ACADM: variants seen among roughly 807,000 people sequenced by gnomAD.
ACADM encodes acyl-CoA dehydrogenase medium chain.
ACADM carries 49 observed loss-of-function variants against 58.9 expected under a neutral mutation model. That is an observed-to-expected ratio of 0.83 (90% CI 0.66 to 1.06). The LOEUF is 1.06. Ranked by LOEUF, ACADM falls within the 50% of genes least tolerant of loss-of-function variation. ACADM has a pLI of 0.00. For missense variants in ACADM, 496 were observed against 507.0 expected (o/e 0.98, Z 0.21); for synonymous variants, 160 against 157.7 (o/e 1.01, Z -0.11).
chr1:75,757,963 C>T (rs962392718), intron 10 of ACADM, among the ~76,000 whole-genome samples: 4 of 140,692 alleles, frequency 2.8e-5, no homozygotes, highest in African/African-American at 1.0e-4. Flanking sequence ...CCCATGACCT[C>T]ATCTGTGAAT....
At chr1:75,756,016 A>G (rs918810389) in intron 10 of ACADM, among the ~76,000 whole-genome samples, 1 of 152,216 alleles carries the variant, frequency 6.6e-6, no homozygotes, top group African/African-American at 2.4e-5. Context: ...GCAAAATTCA[A>G]CAGTTCTTCA....
chr1:75,762,895 A>G lies in ACADM; in HGVS notation c.*132A>G. ...TATTAAATCTAAGCAACTGCTTATT[A>G]TAGTAGTTTATACTTTTGCTTAACT... On this transcript the variant is annotated 3_prime_UTR_variant, in exon 12 of 12. Transcript: ENST00000370841. The G allele has an allele frequency of 1.6e-6, 1 of 621,808 alleles. No homozygotes were observed. The allele number at this position is 621,808 out of a possible 1,614,324, so 38.5% of individuals were successfully genotyped here.
intron 6 of ACADM, among the ~76,000 whole-genome samples, chr1:75,739,336 T>C (rs1223564732): frequency 6.6e-6 from 1 of 152,224 alleles, no homozygotes; most frequent in Admixed American, 6.5e-5. Context: ...TTACCTCTGG[T>C]TTCCCCATAT....
intron 1 of ACADM, among the ~76,000 whole-genome samples, chr1:75,728,148 C>T: frequency 6.6e-6 from 1 of 152,098 alleles, no homozygotes; most frequent in East Asian, 1.9e-4. Flanking sequence ...GTCCTAAACC[C>T]TCCACTTCAG....
chr1:75,751,861 C>T (rs80343164), intron 10 of ACADM, among the ~76,000 whole-genome samples: 5,924 of 152,084 alleles, frequency 0.039, 149 homozygotes, highest in Non-Finnish European at 0.061. Flanking sequence ...AATTTTAGTA[C>T]TATAAAGAGT....
At chr1:75,741,224 C>T (rs1200617215) in intron 7 of ACADM, among the ~76,000 whole-genome samples, 1 of 152,140 alleles carries the variant, frequency 6.6e-6, no homozygotes, top group Non-Finnish European at 1.5e-5. Context: ...GTGCCATATA[C>T]TACAGTTTTC....
chr1:75,757,322 T>A (rs996779572), intron 10 of ACADM, among the ~76,000 whole-genome samples: 1 of 152,174 alleles, frequency 6.6e-6, no homozygotes, highest in African/African-American at 2.4e-5. Context: ...GACAAAGGGC[T>A]AATATCCAGA....
intron 5 of ACADM, among the ~76,000 whole-genome samples, chr1:75,734,250 G>C (rs1185369239): frequency 7.0e-6 from 1 of 142,112 alleles, no homozygotes; most frequent in African/African-American, 2.6e-5. Flanking sequence ...TGCAAGCTCC[G>C]CCTCCCAGGT....
At chr1:75,744,749 G>A (rs1043734030) in intron 7 of ACADM, 11 of 715,304 alleles carry the variant, frequency 1.5e-5, no homozygotes, top group Admixed American at 1.1e-4. Context: ...CTGAACGCCC[G>A]GGACACAGTG....
intron 6 of ACADM, among the ~76,000 whole-genome samples, chr1:75,735,390 G>A (rs1485937462): frequency 6.6e-6 from 1 of 150,812 alleles, no homozygotes; most frequent in Non-Finnish European, 1.5e-5. Context: ...AGATCTACTT[G>A]TGATGTTTTT....
At chr1:75,730,243 G>C (rs1647127187) in intron 2 of ACADM, among the ~76,000 whole-genome samples, 1 of 152,112 alleles carries the variant, frequency 6.6e-6, no homozygotes, top group Non-Finnish European at 1.5e-5. Flanking sequence ...ATGATTGCTT[G>C]TCACTTTAAA....
intron 10 of ACADM, among the ~76,000 whole-genome samples, chr1:75,752,619 C>T (rs569904736): frequency 2.3e-4 from 35 of 152,174 alleles, no homozygotes; most frequent in Non-Finnish European, 4.3e-4. Context: ...TTTTCATTTC[C>T]AGAAGTTATA....
At chr1:75,744,009 C>T (rs1647738289) in intron 7 of ACADM, 4 of 1,572,138 alleles carry the variant, frequency 2.5e-6, no homozygotes, top group Non-Finnish European at 3.5e-6. Flanking sequence ...GGATGTTACT[C>T]ACATCAATCT....
intron 10 of ACADM, among the ~76,000 whole-genome samples, chr1:75,760,413 CTT>C (rs764165105): frequency 7.5e-5 from 11 of 146,566 alleles, no homozygotes; most frequent in Non-Finnish European, 1.3e-4. Flanking sequence ...AAGAGTGAAA[CTT>C]TGTCTCAGAA....
At chr1:75,749,712 C>CTTT (rs35897798) in intron 9 of ACADM, among the ~76,000 whole-genome samples, 153 bp downstream of exon 9, 10 of 118,156 alleles carry the variant, frequency 8.5e-5, no homozygotes, top group Non-Finnish European at 1.4e-4. Flanking sequence ...ACTTTTCTTT[C>CTTT]TTTTTTTTTT....
intron 1 of ACADM, 90 bp downstream of exon 1, chr1:75,724,907 G>T: frequency 7.8e-7 from 1 of 1,282,662 alleles, no homozygotes; most frequent in Non-Finnish European, 1.0e-6. Context: ...AGGTGCGGCC[G>T]GGAGGAGTGG....
rs371962797 is a variant in ACADM at position 75,755,568 on chromosome 1, TAACA to T, written c.945+5027_945+5030del. Among the ~76,000 whole-genome samples, 314 of 152,202 alleles carry T rather than the reference TAACA, an allele frequency of 2.1e-3. 12 individuals are homozygous for T. In the South Asian group the frequency reaches 0.063, roughly 31 times the overall value. ...GGGTCCTGACTGATAGAAGGAAAAC[TAACA>T]AACAGAAAGGACATTCACACCAAAA... is the stretch of plus-strand genomic sequence containing the variant. On this transcript the variant is annotated intron_variant, in intron 10 of 11. Coordinates refer to ENST00000370841, the MANE Select transcript of ACADM (RefSeq NM_000016.6).
intron 7 of ACADM, among the ~76,000 whole-genome samples, chr1:75,740,946 A>G (rs1420673280): frequency 6.6e-6 from 1 of 152,236 alleles, no homozygotes; most frequent in Non-Finnish European, 1.5e-5. Flanking sequence ...TTTTTCAAAT[A>G]TTATTACACA....
chr1:75,741,249 T>C (rs1285410350), intron 7 of ACADM, among the ~76,000 whole-genome samples: 12 of 152,202 alleles, frequency 7.9e-5, no homozygotes. Context: ...AAATAAAACA[T>C]CATTTTTTTT....
Sources: allele counts gnomAD v4.1 joint callset (sites outside exome capture counted in the v4.1 genomes callset), GRCh38; gene constraint gnomAD v4.1.1; transcripts MANE v1.5; gene names NCBI Gene and HGNC (gene_info 2026-07-23, HGNC 2026-07-21).